Variants in ARL13B observed in about 807,000 individuals in gnomAD.
ARL13B encodes ARF like GTPase 13B.
ARL13B carries 36 observed loss-of-function variants against 56.1 expected under a neutral mutation model. The ratio of observed to expected loss-of-function variants is 0.64; its 90% CI spans 0.49 to 0.85. The LOEUF is 0.85. Ranked by LOEUF, ARL13B falls within the 40% of genes least tolerant of loss-of-function variation. The probability of loss-of-function intolerance (pLI) is 0.00; values close to 1 mark genes in which losing one functional copy is unlikely to be tolerated. For synonymous variants in ARL13B, 178 were observed against 171.1 expected (o/e 1.04, Z -0.32); for missense variants, 519 against 507.1 (o/e 1.02, Z -0.23).
chr3:94,025,555 G>C (rs1489316078), intron 3 of ARL13B, among the ~76,000 whole-genome samples: 1 of 152,210 alleles, frequency 6.6e-6, no homozygotes, highest in East Asian at 1.9e-4. Context: ...TGACCACTCT[G>C]TTAAATGTGG....
At chr3:94,050,977 GT>G in intron 9 of ARL13B, 85 bp downstream of exon 9, 1 of 1,292,694 alleles carries the variant, frequency 7.7e-7, no homozygotes, top group Non-Finnish European at 1.1e-6. Context: ...ACAAACTTAT[GT>G]TTTAGTTTTA....
chr3:93,980,345 C>A lies in ARL13B; in HGVS notation c.-79C>A. On this transcript the variant is annotated 5_prime_UTR_variant, in exon 1 of 10. Coordinates refer to ENST00000394222, the MANE Select transcript of ARL13B (RefSeq NM_001174150.2). ...TCCACTTTAGGGGCGTCTCGGAGTG[C>A]CGGAGGCCCCCGGGGAAGAGCGGGG... 1 of 1,576,908 alleles carries A rather than the reference C, an allele frequency of 6.3e-7. No individual in the cohort carries two copies. Among genetic ancestry groups the A allele is most frequent in the Non-Finnish European group, 8.6e-7 (1 of 1,156,392 alleles).
At chr3:94,006,518 C>G (rs375229495) in intron 3 of ARL13B, among the ~76,000 whole-genome samples, 1 of 152,076 alleles carries the variant, frequency 6.6e-6, no homozygotes, top group Non-Finnish European at 1.5e-5. Context: ...TTCCTCTTCT[C>G]TAATCACCTG....
intron 1 of ARL13B, chr3:93,988,608 A>C: frequency 2.1e-6 from 1 of 469,006 alleles, no homozygotes; most frequent in Middle Eastern, 3.5e-4. Flanking sequence ...GACAGGGACT[A>C]CTGATAAGAC....
intron 2 of ARL13B, among the ~76,000 whole-genome samples, chr3:93,999,238 G>C (rs2107405267): frequency 6.6e-6 from 1 of 151,864 alleles, no homozygotes; most frequent in South Asian, 2.1e-4. Context: ...ACTGAGCCTG[G>C]TCATATTTTT....
chr3:94,042,971 ATAAAACCATCATAG>A (rs1372766219), intron 6 of ARL13B, 30 bp from the exon 7 acceptor site: 1 of 1,489,110 alleles, frequency 6.7e-7, no homozygotes, highest in African/African-American at 1.4e-5. Flanking sequence ...ACTATCTTAG[ATAAAACCATCATAG>A]TAAAGATAAT....
intron 7 of ARL13B, among the ~76,000 whole-genome samples, chr3:94,044,646 G>A (rs1308048068): frequency 1.2e-4 from 17 of 142,674 alleles, no homozygotes; most frequent in African/African-American, 2.4e-4. Context: ...GCCTCTGCCC[G>A]GCTGCCCCAT....
At chr3:94,037,522 A>T (rs1227828582) in intron 5 of ARL13B, among the ~76,000 whole-genome samples, 1 of 152,202 alleles carries the variant, frequency 6.6e-6, no homozygotes, top group African/African-American at 2.4e-5. Flanking sequence ...GCTCAATAAT[A>T]TGAGCGTGCC....
At chr3:93,981,987 G>T (rs1299362300) in intron 1 of ARL13B, among the ~76,000 whole-genome samples, 1 of 151,890 alleles carries the variant, frequency 6.6e-6, no homozygotes, top group African/African-American at 2.4e-5. Context: ...AGACTTGAGG[G>T]TCATTCATAA....
Position 94,049,441 on chromosome 3 carries a change from A to T in ARL13B, c.1060A>T (p.Lys354Ter). The T allele has an allele frequency of 6.2e-7, 1 of 1,609,218 alleles. No individual in the cohort carries two copies. Among genetic ancestry groups the T allele is most frequent in the South Asian group, 1.1e-5 (1 of 89,538 alleles). Residue 354 changes from lysine (K) to a stop codon, truncating the protein, a stop_gained, in exon 8 of 10, where the codon AAA (lysine) becomes TAA (stop). Transcript: ENST00000394222. LOFTEE classifies it high-confidence loss of function. Reference protein sequence around the residue: ...GKKKTKKLRMKRNHRVEPLNI... With the variant: ...GKKKTKKLRM ...AAAGAAAACTAAGAAACTAAGAATG[A>T]AAAGGAACCACCGGGTAGAACCACT...
At chr3:94,037,822 A>G (rs2076794954) in intron 5 of ARL13B, among the ~76,000 whole-genome samples, 1 of 152,130 alleles carries the variant, frequency 6.6e-6, no homozygotes, top group African/African-American at 2.4e-5. Context: ...ATCTAATGTT[A>G]GTAACTTTTT....
rs186122088 is a variant in ARL13B, at chr3:94,041,000, A to G, written c.798+1012A>G. 3.9e-3 allele frequency among the ~76,000 whole-genome samples: 598 copies of G among 152,296 alleles called. 5 individuals carry two copies. Among genetic ancestry groups the G allele is most frequent in the African/African-American group, 0.014 (576 of 41,572 alleles). On this transcript the variant is annotated intron_variant, in intron 6 of 9. Coordinates refer to ENST00000394222, the MANE Select transcript of ARL13B (RefSeq NM_001174150.2). The stretch of plus-strand genomic sequence containing the variant: ...GAAAGTTCCCAAATTAATAAGTGGC[A>G]TGGGGAAAGTACACTTAACGCTTTG...
chr3:94,001,566 C>A (rs534272901), intron 2 of ARL13B, among the ~76,000 whole-genome samples: 4 of 152,142 alleles, frequency 2.6e-5, no homozygotes, highest in Admixed American at 6.5e-5. Flanking sequence ...TGAATTCCTA[C>A]ACACTATCGT....
chr3:94,037,668 C>T (rs765437822), intron 5 of ARL13B, among the ~76,000 whole-genome samples: 1 of 151,706 alleles, frequency 6.6e-6, no homozygotes, highest in Non-Finnish European at 1.5e-5. Context: ...AAGCTCAGTA[C>T]AACCAATCAT....
intron 1 of ARL13B, among the ~76,000 whole-genome samples, chr3:93,982,341 G>A (rs571908435): frequency 6.6e-6 from 1 of 152,254 alleles, no homozygotes; most frequent in African/African-American, 2.4e-5. Flanking sequence ...ATCTAGATTT[G>A]TCCTGTCCAG....
intron 3 of ARL13B, among the ~76,000 whole-genome samples, chr3:94,015,744 T>A (rs2107494024): frequency 6.6e-6 from 1 of 152,282 alleles, no homozygotes; most frequent in Admixed American, 6.5e-5. Context: ...TTAAAACCAT[T>A]GTAGTGACAG....
At chr3:93,984,224 T>C (rs571206851) in intron 1 of ARL13B, among the ~76,000 whole-genome samples, 114 of 151,894 alleles carry the variant, frequency 7.5e-4, no homozygotes, top group African/African-American at 2.7e-3. Context: ...GGTGTGGTGG[T>C]GGGCACCTGC....
At chr3:93,984,174 G>C (rs756384492) in intron 1 of ARL13B, among the ~76,000 whole-genome samples, 1 of 152,120 alleles carries the variant, frequency 6.6e-6, no homozygotes, top group Non-Finnish European at 1.5e-5. Context: ...TGGCCAACAT[G>C]GCGAAACCCT....
rs1170858166 is a variant in ARL13B, at chr3:94,035,360, C to T, written c.410C>T (p.Ala137Val). The change falls in exon 4 of 10, where the codon GCT becomes GTT. Residue 137 changes from alanine to valine, a missense_variant. Transcript: ENST00000394222. ...GCAAATAAACAAGATAAAGAAGGAG[C>T]TTTAGGAGAAGCTGATGTCATTGAA... ...VLANKQDKEG[A>V]LGEADVIECL... The T allele has an allele frequency of 6.2e-7, 1 of 1,610,002 alleles. No homozygotes were observed.
Sources: gnomAD v4.1 joint callset for allele counts (sites outside exome capture counted in the v4.1 genomes callset) on GRCh38, gnomAD v4.1.1 for gene constraint, MANE v1.5 for transcripts, NCBI Gene and HGNC (gene_info 2026-07-23, HGNC 2026-07-21) for gene names.